NFIA: variants seen among roughly 807,000 people sequenced by gnomAD.
The protein encoded by NFIA is nuclear factor 1 A-type.
NFIA carries 8 observed loss-of-function variants against 62.8 expected under a neutral mutation model. The observed-to-expected ratio is 0.13, with a 90% CI of 0.07 to 0.23. The LOEUF (loss-of-function observed/expected upper bound fraction) is 0.23. Among genes scored for constraint, NFIA ranks in the 10% least tolerant of loss-of-function variants. The probability of loss-of-function intolerance (pLI) is 1.00; values close to 1 mark genes in which losing one functional copy is unlikely to be tolerated. For missense variants in NFIA, 410 were observed against 642.1 expected (o/e 0.64, Z 3.91); for synonymous variants, 235 against 238.1 (o/e 0.99, Z 0.12).
chr1:61,337,513 C>T (rs1235989801), intron 4 of NFIA, among the ~76,000 whole-genome samples: 1 of 152,030 alleles, frequency 6.6e-6, no homozygotes, highest in Non-Finnish European at 1.5e-5. Flanking sequence ...AAAATACAGA[C>T]CACTAGATGC....
intron 10 of NFIA, among the ~76,000 whole-genome samples, chr1:61,428,437 G>A (rs1666964087): frequency 6.8e-6 from 1 of 147,226 alleles, no homozygotes; most frequent in Non-Finnish European, 1.5e-5. Flanking sequence ...GGGGACAACA[G>A]CTTAAATGTT....
At chr1:61,154,537 G>A (rs1279101352) in intron 2 of NFIA, among the ~76,000 whole-genome samples, 3 of 152,088 alleles carry the variant, frequency 2.0e-5, no homozygotes, top group Admixed American at 6.5e-5. Flanking sequence ...TGCAGCCCTC[G>A]CCTTCTGGGC....
intron 3 of NFIA, among the ~76,000 whole-genome samples, chr1:61,289,688 T>C (rs1302527060): frequency 6.6e-6 from 1 of 152,240 alleles, no homozygotes; most frequent in African/African-American, 2.4e-5. Context: ...TGTTTTGTTC[T>C]GAGCACAAAC....
intron 10 of NFIA, among the ~76,000 whole-genome samples, chr1:61,430,946 C>G (rs2100560162): frequency 6.6e-6 from 1 of 152,230 alleles, no homozygotes; most frequent in South Asian, 2.1e-4. Context: ...GAACACCCAT[C>G]AATACTGAGA....
intron 6 of NFIA, among the ~76,000 whole-genome samples, chr1:61,360,078 A>C (rs1663201891): frequency 1.3e-5 from 2 of 152,156 alleles, no homozygotes; most frequent in South Asian, 4.1e-4. Context: ...ATTACTGGAT[A>C]TCATCATGAT....
At chr1:61,136,496 T>C (rs972712160) in intron 2 of NFIA, among the ~76,000 whole-genome samples, 2 of 152,194 alleles carry the variant, frequency 1.3e-5, no homozygotes, top group Non-Finnish European at 2.9e-5. Flanking sequence ...TTGAGTAGTA[T>C]AAAAAGGCTG....
chr1:61,432,585 A>G (rs962252968), intron 10 of NFIA, among the ~76,000 whole-genome samples: 6 of 95,304 alleles, frequency 6.3e-5, no homozygotes, highest in African/African-American at 9.0e-5. Context: ...GGAAAAATAT[A>G]TATGTGTGTA....
chr1:61,146,202 C>A (rs1222897869), intron 2 of NFIA, among the ~76,000 whole-genome samples: 2 of 152,188 alleles, frequency 1.3e-5, no homozygotes, highest in African/African-American at 4.8e-5. Context: ...ACTTAAGGAG[C>A]CTTCCAGTTG....
At chr1:61,453,188 C>T (rs1303282108) in intron 10 of NFIA, among the ~76,000 whole-genome samples, 3 of 152,086 alleles carry the variant, frequency 2.0e-5, no homozygotes, top group Non-Finnish European at 2.9e-5. Context: ...GGGCCTGCTA[C>T]GTCAGAACCA....
chr1:61,370,224 G>A (rs1195727483), intron 6 of NFIA, among the ~76,000 whole-genome samples: 3 of 152,160 alleles, frequency 2.0e-5, no homozygotes, highest in Non-Finnish European at 2.9e-5. Context: ...GTCCATCCAA[G>A]GATTTTAGAT....
intron 4 of NFIA, among the ~76,000 whole-genome samples, chr1:61,333,064 C>CAT (rs1553174131): frequency 9.6e-4 from 133 of 138,554 alleles, no homozygotes; most frequent in African/African-American, 4.3e-3. Flanking sequence ...CACACACACA[C>CAT]ACATACACAC....
At chr1:61,093,679 T>C (rs1646362537) in intron 2 of NFIA, among the ~76,000 whole-genome samples, 1 of 152,162 alleles carries the variant, frequency 6.6e-6, no homozygotes, top group Non-Finnish European at 1.5e-5. Context: ...GTGCAAAAGA[T>C]GGTAGTTCTA....
intron 7 of NFIA, among the ~76,000 whole-genome samples, chr1:61,392,354 TAAACA>T (rs1290707058): frequency 2.6e-5 from 4 of 152,124 alleles, no homozygotes; most frequent in South Asian, 2.1e-4. Context: ...AAACTACAAC[TAAACA>T]AAAGTCAGGA....
intron 3 of NFIA, among the ~76,000 whole-genome samples, chr1:61,285,386 A>G (rs1658421083): frequency 6.6e-6 from 1 of 152,166 alleles, no homozygotes; most frequent in Non-Finnish European, 1.5e-5. Flanking sequence ...GTTGTTTTTA[A>G]GCCTGTACAT....
intron 2 of NFIA, among the ~76,000 whole-genome samples, chr1:61,218,425 A>G (rs1653785081): frequency 6.6e-6 from 1 of 152,204 alleles, no homozygotes; most frequent in South Asian, 2.1e-4. Flanking sequence ...ATTCCCACAG[A>G]TGATAAAATC....
At chr1:61,232,670 A>AT (rs1654751376) in intron 2 of NFIA, among the ~76,000 whole-genome samples, 1 of 152,152 alleles carries the variant, frequency 6.6e-6, no homozygotes, top group Non-Finnish European at 1.5e-5. Flanking sequence ...ATGCACAGAG[A>AT]TTTTTTTAAA....
At chr1:61,355,342 G>A (rs1209231795) in intron 5 of NFIA, among the ~76,000 whole-genome samples, 1 of 152,164 alleles carries the variant, frequency 6.6e-6, no homozygotes, top group East Asian at 1.9e-4. Flanking sequence ...TAGATAATGT[G>A]ATGCAATGGT....
chr1:61,338,666 T>C (rs1661744376), intron 4 of NFIA, among the ~76,000 whole-genome samples: 1 of 152,178 alleles, frequency 6.6e-6, no homozygotes, highest in African/African-American at 2.4e-5. Context: ...AACGAAACTC[T>C]TGGGTAGGAA....
At chr1:61,089,693 T>G (rs991479130) in intron 2 of NFIA, among the ~76,000 whole-genome samples, 1 of 150,010 alleles carries the variant, frequency 6.7e-6, no homozygotes, top group Non-Finnish European at 1.5e-5. Context: ...ACGTTTTTTT[T>G]TCTTTTTTTT....
Sources: allele counts gnomAD v4.1 joint callset (sites outside exome capture counted in the v4.1 genomes callset), GRCh38; gene constraint gnomAD v4.1.1; transcripts MANE v1.5; gene names NCBI Gene and HGNC (gene_info 2026-07-23, HGNC 2026-07-21).